Variants in MYO18B observed in about 807,000 individuals in gnomAD.
The protein encoded by MYO18B is myosin XVIIIB.
Under a neutral mutation model 273.0 loss-of-function variants are expected in MYO18B, and 204 were observed. That is an observed-to-expected ratio of 0.75 (90% CI 0.67 to 0.84). The LOEUF is 0.84. Among genes scored for constraint, MYO18B ranks in the 40% least tolerant of loss-of-function variants. The probability of loss-of-function intolerance (pLI) is 0.00; values close to 1 mark genes in which losing one functional copy is unlikely to be tolerated. For synonymous variants in MYO18B, 1,330 were observed against 1,305.7 expected, an observed-to-expected ratio of 1.02 and a Z score of -0.40; for missense variants, 3,212 against 3,287.6, an observed-to-expected ratio of 0.98 and a Z score of 0.56.
chr22:26,026,619 A>G lies in MYO18B; in HGVS notation c.6645A>G (p.Arg2215=). ...FGDGEVLAVQ[R]KSTERLEPAS... ...ACGGCGAAGTGCTTGCCGTCCAGAG[A>G]AAGTCCACAGAGAGATTAGAACCTG... The change falls in exon 43 of 44, where the codon AGA becomes AGG. Residue 2215 remains arginine, a synonymous_variant. Transcript: ENST00000335473. The G allele has an allele frequency of 2.5e-6, 4 of 1,613,732 alleles. No homozygotes were observed. The highest frequency in any genetic ancestry group is 1.1e-5 in the South Asian group (1 of 91,040).
chr22:25,925,508 G>A (rs922317575), intron 34 of MYO18B, among the ~76,000 whole-genome samples: 1 of 152,124 alleles, frequency 6.6e-6, no homozygotes, highest in Admixed American at 6.5e-5. Flanking sequence ...CTTTTGACAA[G>A]TGTCCCGACC....
the MYO18B span, among the ~76,000 whole-genome samples, chr22:26,037,256 C>T: frequency 6.6e-6 from 1 of 152,172 alleles, no homozygotes. Flanking sequence ...TTTGTTAAAT[C>T]CCTCTAATTC....
chr22:25,845,529 A>C (rs994992272), intron 18 of MYO18B, among the ~76,000 whole-genome samples: 4 of 145,340 alleles, frequency 2.8e-5, no homozygotes, highest in Admixed American at 1.3e-4. Context: ...AAAACCAACA[A>C]CAACAACAAC....
In MYO18B at chr22:25,781,724, C is replaced by T; in HGVS notation, c.2212-10C>T. ...AGCACTGACTGGGTGCCCCTCTTCT[C>T]TCCCTGCAGACAATGCTTTTGGAGA... On this transcript the variant is annotated splice_polypyrimidine_tract_variant and intron_variant, in intron 9 of 43. Transcript: ENST00000335473. 3 of 1,525,272 alleles carry T rather than the reference C, an allele frequency of 2.0e-6. No homozygotes were observed. Among genetic ancestry groups the T allele is most frequent in the Non-Finnish European group, 2.6e-6 (3 of 1,137,688 alleles). 94.5% of individuals were successfully genotyped at this position (1,525,272 alleles called of 1,614,324 possible).
intron 39 of MYO18B, among the ~76,000 whole-genome samples, chr22:25,988,188 T>G (rs1042396677): frequency 6.6e-6 from 1 of 151,948 alleles, no homozygotes. Flanking sequence ...GAGGGGTCTC[T>G]GGCTGGGGCC....
intron 25 of MYO18B, among the ~76,000 whole-genome samples, chr22:25,878,356 T>G (rs567912790): frequency 6.6e-6 from 1 of 152,154 alleles, no homozygotes; most frequent in South Asian, 2.1e-4. Flanking sequence ...TAGGGAAAAA[T>G]GATAAATTTG....
At chr22:25,893,967 C>T (rs562122426) in intron 27 of MYO18B, among the ~76,000 whole-genome samples, 13 of 152,320 alleles carry the variant, frequency 8.5e-5, no homozygotes, top group Admixed American at 3.3e-4. Context: ...TTCCACCTAT[C>T]CAACCAACTA....
chr22:25,847,987 A>T lies in MYO18B; in HGVS notation c.3775+335A>T, dbSNP rs901362877. Among the ~76,000 whole-genome samples the T allele has an allele frequency of 2.0e-5, 3 of 151,956 alleles. No individual in the cohort carries two copies. The South Asian group carries it at 6.3e-4, about 32-fold the overall frequency. Reference sequence around the variant, plus strand: ...CACACACACACACAAAATGGGATACATGTACAGCACGTGCAGGTTTGTTAC... The same window carrying T: ...CACACACACACACAAAATGGGATACTTGTACAGCACGTGCAGGTTTGTTAC... On this transcript the variant is annotated intron_variant, in intron 20 of 43. Transcript: ENST00000335473.
intron 11 of MYO18B, among the ~76,000 whole-genome samples, chr22:25,792,675 A>G (rs1640188185): frequency 3.3e-5 from 5 of 151,268 alleles, no homozygotes. Context: ...TTTTATTTTT[A>G]GTAGAGACGG....
chr22:25,997,304 CCAAAA>C (rs1421854278), intron 40 of MYO18B, among the ~76,000 whole-genome samples: 6 of 22,564 alleles, frequency 2.7e-4, no homozygotes, highest in African/African-American at 8.3e-4. Flanking sequence ...AACTCTGTCG[CCAAAA>C]AAAAAAAAAA....
At chr22:25,811,677 G>C (rs1357456349) in intron 12 of MYO18B, among the ~76,000 whole-genome samples, 1 of 152,178 alleles carries the variant, frequency 6.6e-6, no homozygotes, top group East Asian at 1.9e-4. Context: ...GCTTCATAGT[G>C]ATATTCCTGA....
chr22:26,020,338 A>G (rs1935706324), intron 42 of MYO18B, among the ~76,000 whole-genome samples: 1 of 152,018 alleles, frequency 6.6e-6, no homozygotes, highest in African/African-American at 2.4e-5. Context: ...TGAAAGGGGA[A>G]GGGGTATGGT....
chr22:25,821,245 A>G (rs1238237213), intron 12 of MYO18B, among the ~76,000 whole-genome samples: 1 of 151,552 alleles, frequency 6.6e-6, no homozygotes, highest in Non-Finnish European at 1.5e-5. Context: ...GAAAGTTCCT[A>G]CTGCTCTCCA....
intron 17 of MYO18B, among the ~76,000 whole-genome samples, chr22:25,840,149 C>G (rs2090039094): frequency 6.6e-6 from 1 of 152,208 alleles, no homozygotes; most frequent in Non-Finnish European, 1.5e-5. Flanking sequence ...CCATTCTCCC[C>G]ACAACCCTGG....
intron 19 of MYO18B, 52 bp from the exon 20 acceptor site, chr22:25,847,378 T>C (rs1481866194): frequency 3.3e-6 from 5 of 1,492,892 alleles, no homozygotes; most frequent in African/African-American, 2.8e-5. Context: ...TCCAGTCCCC[T>C]TTCTGTGTCT....
the MYO18B span, among the ~76,000 whole-genome samples, chr22:26,061,671 G>A: frequency 2.0e-5 from 3 of 150,120 alleles, no homozygotes; most frequent in Admixed American, 6.7e-5. Context: ...ATCTACCACC[G>A]AGAAAGGTCA....
At chr22:25,866,119 C>T (rs1299189793) in intron 21 of MYO18B, among the ~76,000 whole-genome samples, 2 of 152,032 alleles carry the variant, frequency 1.3e-5, no homozygotes, top group African/African-American at 4.8e-5. Flanking sequence ...ATGTCTTTGA[C>T]CCATGGAATT....
intron 1 of MYO18B, among the ~76,000 whole-genome samples, chr22:25,744,497 C>T (rs941472861): frequency 6.6e-5 from 10 of 152,206 alleles, no homozygotes; most frequent in South Asian, 2.1e-4. Context: ...TTTGGGAGGC[C>T]GAGGTGGGCA....
chr22:25,989,706 G>A (rs1210395003), intron 39 of MYO18B, among the ~76,000 whole-genome samples: 1 of 147,660 alleles, frequency 6.8e-6, no homozygotes, highest in Admixed American at 6.8e-5. Flanking sequence ...GCTGAGGCAG[G>A]AGAATGGCTT....
Sources: gnomAD v4.1 joint callset for allele counts (sites outside exome capture counted in the v4.1 genomes callset) on GRCh38, gnomAD v4.1.1 for gene constraint, MANE v1.5 for transcripts, NCBI Gene and HGNC (gene_info 2026-07-23, HGNC 2026-07-21) for gene names.